Variants in TMEM132D observed in about 807,000 individuals in gnomAD.
The protein encoded by TMEM132D is transmembrane protein 132D.
Under a neutral mutation model 62.3 loss-of-function variants are expected in TMEM132D, and 21 were observed. That is an observed-to-expected ratio of 0.34 (90% CI 0.24 to 0.49). TMEM132D has a LOEUF of 0.49. Among genes scored for constraint, TMEM132D ranks in the 20% least tolerant of loss-of-function variants. The pLI is 0.99. For missense variants in TMEM132D, 1,346 were observed against 1,402.8 expected (o/e 0.96, Z 0.65); for synonymous variants, 621 against 575.6 (o/e 1.08, Z -1.13).
At chr12:129,135,447 C>G (rs56080025) in intron 5 of TMEM132D, among the ~76,000 whole-genome samples, 6,333 of 152,164 alleles carry the variant, frequency 0.042, 173 homozygotes, top group Non-Finnish European at 0.067. Context: ...TTCAGGGAGG[C>G]ACTGTTGGGG....
chr12:129,341,881 C>T (rs549125057), intron 3 of TMEM132D, among the ~76,000 whole-genome samples: 90 of 152,084 alleles, frequency 5.9e-4, no homozygotes, highest in African/African-American at 2.0e-3. Context: ...ATGTGAAGGA[C>T]CTCTTCAAGG....
rs181601637 is a variant in TMEM132D, at chr12:129,074,101, A to G, written c.3074T>C (p.Ile1025Thr). ...QLFKPLGPII[I>T]DGKDQKSEPP... ...CTCACTTTTCTGATCTTTCCCATCA[A>G]TGATGATGGGTCCCAAAGGTTTGAA... is the stretch of plus-strand genomic sequence containing the variant. Residue 1025 changes from isoleucine to threonine, a missense_variant, in exon 9 of 9, where the codon ATT (isoleucine) becomes ACT (threonine). Coordinates refer to ENST00000422113, the MANE Select transcript of TMEM132D (RefSeq NM_133448.3). The G allele has an allele frequency of 1.1e-5, 17 of 1,614,058 alleles. No individual in the cohort carries two copies. In the East Asian group the frequency reaches 1.8e-4, roughly 17 times the overall value.
chr12:129,662,048 G>C (rs1880248241), intron 2 of TMEM132D, among the ~76,000 whole-genome samples: 1 of 152,170 alleles, frequency 6.6e-6, no homozygotes, highest in South Asian at 2.1e-4. Context: ...TATTTTGCTT[G>C]GATAAGAGCA....
chr12:129,214,566 T>G (rs561965947), intron 4 of TMEM132D, among the ~76,000 whole-genome samples: 25 of 152,366 alleles, frequency 1.6e-4, no homozygotes, highest in Admixed American at 6.5e-5. Flanking sequence ...CTATAGTTTT[T>G]GGCTGCCCTT....
chr12:129,633,145 C>G (rs575466270), intron 2 of TMEM132D, among the ~76,000 whole-genome samples: 1 of 152,184 alleles, frequency 6.6e-6, no homozygotes, highest in African/African-American at 2.4e-5. Context: ...ACAGACAAAG[C>G]AAAATTCATG....
chr12:129,125,788 T>A (rs1243916850), intron 5 of TMEM132D, among the ~76,000 whole-genome samples: 1 of 152,102 alleles, frequency 6.6e-6, no homozygotes, highest in Non-Finnish European at 1.5e-5. Flanking sequence ...CATTTCTAAA[T>A]ACTCACTCTT....
intron 5 of TMEM132D, among the ~76,000 whole-genome samples, chr12:129,202,393 G>A (rs753180671): frequency 6.6e-6 from 1 of 152,154 alleles, no homozygotes; most frequent in Non-Finnish European, 1.5e-5. Flanking sequence ...AATGACAACT[G>A]TATGAGCTGT....
At chr12:129,226,593 C>T in intron 4 of TMEM132D, among the ~76,000 whole-genome samples, 1 of 152,208 alleles carries the variant, frequency 6.6e-6, no homozygotes. Context: ...AGTGACAGCT[C>T]CAGGTAATTG....
At chr12:129,726,837 A>G (rs985499969) in intron 1 of TMEM132D, among the ~76,000 whole-genome samples, 1 of 152,182 alleles carries the variant, frequency 6.6e-6, no homozygotes, top group African/African-American at 2.4e-5. Flanking sequence ...ACACCTGCTA[A>G]GAACAGGAGT....
At chr12:129,411,761 C>T (rs535556692) in intron 3 of TMEM132D, among the ~76,000 whole-genome samples, 1 of 152,296 alleles carries the variant, frequency 6.6e-6, no homozygotes, top group Admixed American at 6.5e-5. Context: ...CTCTTGTCTC[C>T]CCTCATTCTG....
chr12:129,563,496 C>T lies in TMEM132D; in HGVS notation c.969-32291G>A, dbSNP rs569561154. ...GAGTGGGAAGACATGCTTAGACACA[C>T]GGAGTTGGCAATGTAATCAGGCACT... On this transcript the variant is annotated intron_variant, in intron 2 of 8. Transcript: ENST00000422113. Among the ~76,000 whole-genome samples the T allele has an allele frequency of 7.0e-4, 107 of 152,206 alleles. 1 individual carries two copies. The South Asian group carries it at 8.3e-3, about 12-fold the overall frequency.
chr12:129,463,118 G>A (rs781447279), intron 3 of TMEM132D, among the ~76,000 whole-genome samples: 7 of 152,178 alleles, frequency 4.6e-5, no homozygotes, highest in Non-Finnish European at 1.0e-4. Context: ...CTGGAGAAGA[G>A]CGCTGAACCT....
intron 3 of TMEM132D, among the ~76,000 whole-genome samples, chr12:129,513,835 TATTTATTTA>T (rs1473884905): frequency 3.5e-5 from 5 of 141,796 alleles, no homozygotes; most frequent in African/African-American, 1.3e-4. Context: ...TTTATTTATT[TATTTATTTA>T]TTTATTTTTT....
intron 1 of TMEM132D, among the ~76,000 whole-genome samples, chr12:129,740,474 T>C (rs576369549): frequency 6.6e-6 from 1 of 152,280 alleles, no homozygotes; most frequent in South Asian, 2.1e-4. Flanking sequence ...TCATTGTCTA[T>C]GCTGCAAATA....
intron 1 of TMEM132D, among the ~76,000 whole-genome samples, chr12:129,710,547 T>C (rs1881616170): frequency 6.6e-6 from 1 of 152,188 alleles, no homozygotes; most frequent in Non-Finnish European, 1.5e-5. Context: ...TCCACCCACC[T>C]CGGCTTCCTA....
At chr12:129,248,893 T>G (rs1880193365) in intron 4 of TMEM132D, among the ~76,000 whole-genome samples, 1 of 152,118 alleles carries the variant, frequency 6.6e-6, no homozygotes, top group East Asian at 1.9e-4. Flanking sequence ...TTTTTTATGG[T>G]TGCATAGTAT....
Position 129,274,227 on chromosome 12 carries a change from C to T in TMEM132D, c.1299+63407G>A, listed in dbSNP as rs1380129632. Among the ~76,000 whole-genome samples, 5 of 150,718 alleles carry T rather than the reference C, an allele frequency of 3.3e-5. 1 individual carries two copies. Among genetic ancestry groups the T allele is most frequent in the African/African-American group, 1.2e-4 (5 of 40,030 alleles). Reference sequence around the variant, plus strand: ...CAACAAGGGCAGTCTTTCCTCAAACCTGCCAGCTTTTCAGTGGATAGGCCA... The same window carrying T: ...CAACAAGGGCAGTCTTTCCTCAAACTTGCCAGCTTTTCAGTGGATAGGCCA... On this transcript the variant is annotated intron_variant, in intron 4 of 8. Transcript: ENST00000422113.
chr12:129,642,705 A>G (rs1446232451), intron 2 of TMEM132D, among the ~76,000 whole-genome samples: 1 of 152,202 alleles, frequency 6.6e-6, no homozygotes, highest in Non-Finnish European at 1.5e-5. Context: ...AAACCCTTCA[A>G]GATTTTTGAA....
chr12:129,863,091 A>G (rs1873948221), intron 1 of TMEM132D, among the ~76,000 whole-genome samples: 1 of 152,166 alleles, frequency 6.6e-6, no homozygotes, highest in Non-Finnish European at 1.5e-5. Flanking sequence ...TGGAATTGGG[A>G]ACAGGCCGGT....
Sources: allele counts gnomAD v4.1 joint callset (sites outside exome capture counted in the v4.1 genomes callset), GRCh38; gene constraint gnomAD v4.1.1; transcripts MANE v1.5; gene names NCBI Gene and HGNC (gene_info 2026-07-23, HGNC 2026-07-21).